NKAIN2: variants seen among roughly 807,000 people sequenced by gnomAD.
The protein encoded by NKAIN2 is sodium/potassium-transporting ATPase subunit beta-1-interacting protein 2.
A neutral mutation model predicts 32.6 loss-of-function variants in NKAIN2; 14 were observed. The ratio of observed to expected loss-of-function variants is 0.43; its 90% confidence interval spans 0.28 to 0.67. NKAIN2 has a LOEUF of 0.67. NKAIN2 is among the 30% of genes least tolerant of loss of function. The probability of loss-of-function intolerance (pLI) is 0.17; values close to 1 mark genes in which losing one functional copy is unlikely to be tolerated. For missense variants in NKAIN2, 198 were observed against 258.3 expected, an observed-to-expected ratio of 0.77 and a Z score of 1.60; for synonymous variants, 80 against 87.2, an observed-to-expected ratio of 0.92 and a Z score of 0.46.
At chr6:123,923,992 A>T (rs1468647389) in intron 1 of NKAIN2, among the ~76,000 whole-genome samples, 1 of 152,046 alleles carries the variant, frequency 6.6e-6, no homozygotes, top group Non-Finnish European at 1.5e-5. Context: ...ATTTTGGCAA[A>T]GCAGGTAACA....
At chr6:124,674,703 T>C (rs1773271062) in intron 4 of NKAIN2, among the ~76,000 whole-genome samples, 2 of 152,086 alleles carry the variant, frequency 1.3e-5, no homozygotes, top group Non-Finnish European at 2.9e-5. Flanking sequence ...TTGTGTTGCT[T>C]TAATATCCTG....
rs1321456590 is a variant in NKAIN2, at chr6:124,624,691, T to C, written c.274-33495T>C. On this transcript the variant is annotated intron_variant, in intron 3 of 6. Coordinates refer to ENST00000368417, the MANE Select transcript of NKAIN2 (RefSeq NM_001040214.3). ...AGAATTACACTTTTTAGGATAAGAC[T>C]CTTAATTCTGGCAACATGTTGTTCT... is the stretch of plus-strand genomic sequence containing the variant. Among the ~76,000 whole-genome samples, 4 of 152,216 alleles carry C rather than the reference T, an allele frequency of 2.6e-5. No individual in the cohort carries two copies. The East Asian group carries it at 7.7e-4, about 29-fold the overall frequency.
intron 4 of NKAIN2, among the ~76,000 whole-genome samples, chr6:124,697,550 A>G (rs1202521569): frequency 6.6e-6 from 1 of 152,220 alleles, no homozygotes; most frequent in Non-Finnish European, 1.5e-5. Context: ...TGACAATTTA[A>G]TATTTACTCT....
chr6:124,307,876 T>G (rs180999642), intron 2 of NKAIN2, among the ~76,000 whole-genome samples: 1 of 152,180 alleles, frequency 6.6e-6, no homozygotes, highest in Admixed American at 6.6e-5. Flanking sequence ...TTATCAGAAT[T>G]TATCATTTCA....
Position 124,658,384 on chromosome 6 carries a change from G to A in NKAIN2, c.472G>A (p.Ala158Thr), listed in dbSNP as rs768539349. 1.1e-5 allele frequency: 18 copies of A among 1,613,916 alleles called. No individual in the cohort carries two copies. Among genetic ancestry groups the A allele is most frequent in the Admixed American group, 3.3e-5 (2 of 59,976 alleles). Residue 158 changes from alanine to threonine, a missense_variant and splice_region_variant, in exon 4 of 7, where the codon GCA becomes ACA. Ala to Thr is a moderately conservative substitution (Grantham distance 58, BLOSUM62 0). Transcript: ENST00000368417. ...TCATAGTTCCCTCCAGATTGTCCTCGCAGTAAGTGTTGGCAGCCAACCGCT... is the reference window on the plus strand; with the variant it reads ...TCATAGTTCCCTCCAGATTGTCCTCACAGTAAGTGTTGGCAGCCAACCGCT... Reference protein sequence around the residue: ...VAHSSLQIVLALAGFIYACYV... With the variant: ...VAHSSLQIVLTLAGFIYACYV...
chr6:124,435,717 T>G (rs903455382), intron 3 of NKAIN2, among the ~76,000 whole-genome samples: 22 of 152,180 alleles, frequency 1.4e-4, no homozygotes, highest in African/African-American at 5.3e-4. Flanking sequence ...CTGAACTTCA[T>G]GTGAGTATAC....
intron 1 of NKAIN2, among the ~76,000 whole-genome samples, chr6:123,834,718 A>C (rs1238881071): frequency 6.6e-6 from 1 of 152,146 alleles, no homozygotes; most frequent in Non-Finnish European, 1.5e-5. Context: ...TGTAGATATG[A>C]TTTAGTAAGT....
chr6:124,492,558 T>A (rs577940568), intron 3 of NKAIN2, among the ~76,000 whole-genome samples: 1 of 152,024 alleles, frequency 6.6e-6, no homozygotes, highest in African/African-American at 2.4e-5. Context: ...AGGACTAAAG[T>A]CAGATTTCTC....
chr6:124,235,122 A>G (rs1792678797), intron 1 of NKAIN2, among the ~76,000 whole-genome samples: 1 of 152,192 alleles, frequency 6.6e-6, no homozygotes, highest in African/African-American at 2.4e-5. Context: ...CTACACACCA[A>G]TAAAAATAAG....
intron 1 of NKAIN2, among the ~76,000 whole-genome samples, chr6:124,252,946 A>G (rs1793752332): frequency 6.6e-6 from 1 of 152,192 alleles, no homozygotes; most frequent in African/African-American, 2.4e-5. Flanking sequence ...TTAGTTAAAT[A>G]AAATTTATAA....
At chr6:123,949,915 A>G (rs1026637453) in intron 1 of NKAIN2, among the ~76,000 whole-genome samples, 7 of 151,830 alleles carry the variant, frequency 4.6e-5, no homozygotes, top group Non-Finnish European at 7.4e-5. Flanking sequence ...TCCACATTCA[A>G]TATGTTAGCT....
At chr6:123,910,596 C>G (rs1236084861) in intron 1 of NKAIN2, among the ~76,000 whole-genome samples, 1 of 146,168 alleles carries the variant, frequency 6.8e-6, no homozygotes, top group Admixed American at 7.3e-5. Context: ...CTCCGCCTCT[C>G]AGGTTCAAGC....
At chr6:124,678,037 C>T (rs1562319570) in intron 4 of NKAIN2, among the ~76,000 whole-genome samples, 2 of 151,986 alleles carry the variant, frequency 1.3e-5, no homozygotes, top group Admixed American at 6.6e-5. Flanking sequence ...ATATATTATC[C>T]CACTCCCTTC....
chr6:124,674,197 C>T (rs761056068), intron 4 of NKAIN2, among the ~76,000 whole-genome samples: 2 of 151,896 alleles, frequency 1.3e-5, no homozygotes, highest in African/African-American at 2.4e-5. Context: ...TTGGGGCTCT[C>T]TACTCTGTTT....
At chr6:124,425,959 C>G (rs778199385) in intron 3 of NKAIN2, among the ~76,000 whole-genome samples, 1 of 152,082 alleles carries the variant, frequency 6.6e-6, no homozygotes, top group Non-Finnish European at 1.5e-5. Flanking sequence ...ACAAATTGCT[C>G]AAGCCAAAAG....
intron 4 of NKAIN2, among the ~76,000 whole-genome samples, chr6:124,763,214 C>T (rs765422433): frequency 3.9e-5 from 6 of 152,144 alleles, no homozygotes; most frequent in Non-Finnish European, 5.9e-5. Flanking sequence ...TTCAAGAGAT[C>T]TATTGTACAA....
In NKAIN2 at chr6:124,730,081, C is replaced by A. The variant is rs1461342451; in HGVS notation, c.475-61258C>A. ...AAGAGAATACAAACAAATGGAAGAACATTCCATGCTCATGAGCAGGAAGAA... is the reference window on the plus strand; with the variant it reads ...AAGAGAATACAAACAAATGGAAGAAAATTCCATGCTCATGAGCAGGAAGAA... On this transcript the variant is annotated intron_variant, in intron 4 of 6. Transcript: ENST00000368417. Among the ~76,000 whole-genome samples the A allele has an allele frequency of 8.6e-4, 81 of 94,012 alleles. 17 individuals are homozygous for A. Among genetic ancestry groups the A allele is most frequent in the Non-Finnish European group, 1.4e-3 (66 of 46,728 alleles). 61.7% of individuals were successfully genotyped at this position (94,012 alleles called of 152,430 possible). A position where few individuals can be genotyped will look rare whatever the true frequency, so the allele number is the denominator to read the frequency against.
intron 1 of NKAIN2, among the ~76,000 whole-genome samples, chr6:124,247,986 G>A (rs952253613): frequency 2.0e-5 from 3 of 152,094 alleles, no homozygotes; most frequent in Admixed American, 6.6e-5. Context: ...ACACTTAAAC[G>A]AAAAGTGACT....
At chr6:123,811,085 A>T (rs1773443978) in intron 1 of NKAIN2, among the ~76,000 whole-genome samples, 1 of 152,178 alleles carries the variant, frequency 6.6e-6, no homozygotes, top group Non-Finnish European at 1.5e-5. Context: ...TCTTCACCTA[A>T]TGGTGTTACA....
Sources: gnomAD v4.1 joint callset for allele counts (sites outside exome capture counted in the v4.1 genomes callset) on GRCh38, gnomAD v4.1.1 for gene constraint, MANE v1.5 for transcripts, NCBI Gene and HGNC (gene_info 2026-07-23, HGNC 2026-07-21) for gene names.